Variants in RAPGEF6 observed in about 807,000 individuals in gnomAD.
RAPGEF6 encodes the protein Rap guanine nucleotide exchange factor 6.
In RAPGEF6, 56 loss-of-function variants were observed where a neutral mutation model predicts 171.4. The ratio of observed to expected loss-of-function variants is 0.33; its 90% CI spans 0.26 to 0.41. RAPGEF6 has a LOEUF of 0.41. RAPGEF6 is among the 10% of genes least tolerant of loss of function. RAPGEF6 has a pLI of 1.00. For synonymous variants in RAPGEF6, 692 were observed against 650.1 expected (o/e 1.06, Z -0.98); for missense variants, 1,674 against 1,921.4 (o/e 0.87, Z 2.41).
intron 4 of RAPGEF6, among the ~76,000 whole-genome samples, chr5:131,566,481 C>T (rs1481971345): frequency 2.6e-5 from 4 of 152,084 alleles, no homozygotes; most frequent in Non-Finnish European, 4.4e-5. Context: ...ATTCTGTTTT[C>T]TGTTATTCTG....
chr5:131,470,156 G>C (rs1161340115), intron 17 of RAPGEF6, among the ~76,000 whole-genome samples: 2 of 151,750 alleles, frequency 1.3e-5, no homozygotes. Flanking sequence ...ACACATTTGG[G>C]GGTTTAAAAA....
rs753406619 is a variant in RAPGEF6, at chr5:131,428,964, T to C, written c.4718A>G (p.His1573Arg). 5.0e-6 allele frequency: 8 copies of C among 1,614,246 alleles called. No individual in the cohort carries two copies. The South Asian group carries it at 8.8e-5, about 18-fold the overall frequency. ...TTTAGGATGGAATGGCTGCAAATTA[T>C]GCCTCTGAGGCTGAGTTACAATCTT... ...PSKIVTQPQR[H>R]NLQPFHPKLG... Residue 1573 changes from histidine (H) to arginine (R), a missense_variant, in exon 27 of 28, where the codon CAT becomes CGT. Physicochemically the swap from His to Arg is conservative, Grantham distance 29. This residue lies in a region of RAPGEF6 where 552 missense variants were observed against 574.2 expected (regional missense o/e 0.96). Transcript: ENST00000509018.
chr5:131,612,357 G>C (rs1178924724), intron 1 of RAPGEF6, among the ~76,000 whole-genome samples: 1 of 151,980 alleles, frequency 6.6e-6, no homozygotes, highest in Non-Finnish European at 1.5e-5. Flanking sequence ...CTTTGCGTTA[G>C]ATGATTTTGC....
intron 24 of RAPGEF6, among the ~76,000 whole-genome samples, chr5:131,435,405 GAA>G (rs1751952471): frequency 6.6e-6 from 1 of 152,148 alleles, no homozygotes; most frequent in South Asian, 2.1e-4. Context: ...TTCTTGAAAA[GAA>G]AAAGTCATTG....
chr5:131,481,402 A>AT (rs1755470932), intron 15 of RAPGEF6, among the ~76,000 whole-genome samples: 1 of 149,356 alleles, frequency 6.7e-6, no homozygotes, highest in African/African-American at 2.5e-5. Context: ...TAATTTTTGT[A>AT]TTTTTTTGTA....
intron 21 of RAPGEF6, chr5:131,449,884 G>T: frequency 1.1e-6 from 1 of 917,904 alleles, no homozygotes; most frequent in Non-Finnish European, 1.6e-6. Context: ...CTTGTTAGCA[G>T]AAGGCATTTG....
chr5:131,543,800 G>T (rs1252998853), intron 6 of RAPGEF6, among the ~76,000 whole-genome samples: 1 of 152,070 alleles, frequency 6.6e-6, no homozygotes, highest in Non-Finnish European at 1.5e-5. Context: ...TCACCTTTCT[G>T]CTATCTAAAT....
chr5:131,438,805 G>A (rs1375592829), intron 24 of RAPGEF6, among the ~76,000 whole-genome samples: 2 of 152,246 alleles, frequency 1.3e-5, no homozygotes, highest in African/African-American at 4.8e-5. Context: ...AAATCCACAA[G>A]AGTACAGGTT....
chr5:131,625,077 C>A (rs1765825086), intron 1 of RAPGEF6, among the ~76,000 whole-genome samples: 1 of 152,074 alleles, frequency 6.6e-6, no homozygotes, highest in South Asian at 2.1e-4. Flanking sequence ...GCCTGGCCAA[C>A]ATGGTGTAAC....
chr5:131,436,429 C>T (rs1158442723), intron 24 of RAPGEF6: 3 of 1,419,668 alleles, frequency 2.1e-6, no homozygotes, highest in East Asian at 2.5e-5. Flanking sequence ...CACAATTAGC[C>T]TTGTTTACAT....
intron 14 of RAPGEF6, among the ~76,000 whole-genome samples, chr5:131,491,792 C>T (rs570147483): frequency 6.6e-6 from 1 of 152,222 alleles, no homozygotes; most frequent in East Asian, 1.9e-4. Flanking sequence ...TCTCCATCAC[C>T]CCAGCCCCAA....
Position 131,592,407 on chromosome 5 carries a change from C to A in RAPGEF6, c.257G>T (p.Gly86Val). Reference protein sequence around the residue: ...ILLSGSVLVKGSMVLPPCSFG... With the variant: ...ILLSGSVLVKVSMVLPPCSFG... ...CCTGCAAGGAGGCAAGACCATGGAG[C>A]CTTTCACAAGCACAGATCCAGAAAG... Residue 86 changes from glycine to valine, a missense_variant, in exon 4 of 28, where the codon GGC becomes GTC. Gly to Val is a moderately radical substitution (Grantham distance 109). Transcript: ENST00000509018. 1.9e-6 allele frequency: 3 copies of A among 1,613,952 alleles called. No individual in the cohort carries two copies. The highest frequency in any genetic ancestry group is 2.5e-6 in the Non-Finnish European group (3 of 1,179,878).
rs199980540 is a variant in RAPGEF6 at position 131,453,075 on chromosome 5, G to C, written c.3179C>G (p.Pro1060Arg). 78 of 1,613,892 alleles carry C rather than the reference G, an allele frequency of 4.8e-5. No individual in the cohort carries two copies. The Admixed American group carries it at 1.3e-3, about 27-fold the overall frequency. ...VVRMTSANMD[P>R]AMMFRQRSLS... Reference sequence around the variant, plus strand: ...CTACCTCTGTCGAAACATCATAGCTGGGTCCATGTTAGCAGAAGTCATTCG... The same window carrying C: ...CTACCTCTGTCGAAACATCATAGCTCGGTCCATGTTAGCAGAAGTCATTCG... The change falls in exon 21 of 28, where the codon CCA (proline) becomes CGA (arginine). Residue 1060 changes from proline (P) to arginine (R), a missense_variant. This residue lies in a region of RAPGEF6 where 1,116 missense variants were observed against 1,321.5 expected (regional missense o/e 0.84). Transcript: ENST00000509018.
intron 21 of RAPGEF6, among the ~76,000 whole-genome samples, chr5:131,452,630 A>ATT (rs374349439): frequency 0.22 from 30,318 of 140,370 alleles, 3,489 homozygotes; most frequent in East Asian, 0.49. Context: ...TTGTTTGCTG[A>ATT]TTTTTTTTTT....
intron 4 of RAPGEF6, among the ~76,000 whole-genome samples, chr5:131,583,007 G>C (rs1763055303): frequency 6.6e-6 from 1 of 152,204 alleles, no homozygotes; most frequent in Non-Finnish European, 1.5e-5. Flanking sequence ...ATTATGCAGA[G>C]AGATGAAAGT....
At chr5:131,538,605 C>T (rs571259783) in intron 6 of RAPGEF6, among the ~76,000 whole-genome samples, 3 of 152,068 alleles carry the variant, frequency 2.0e-5, no homozygotes, top group Non-Finnish European at 2.9e-5. Context: ...CGAACATCCT[C>T]GAATTTTAGT....
chr5:131,538,682 T>A (rs1401283169), intron 6 of RAPGEF6, among the ~76,000 whole-genome samples: 2 of 152,174 alleles, frequency 1.3e-5, no homozygotes, highest in African/African-American at 4.8e-5. Context: ...TAAAAAAATT[T>A]TAAGTGACAG....
Position 131,442,545 on chromosome 5 carries a change from G to A in RAPGEF6, c.3422-8C>T, listed in dbSNP as rs1752454033. On this transcript the variant is annotated splice_polypyrimidine_tract_variant and splice_region_variant and intron_variant, in intron 22 of 27. Coordinates refer to ENST00000509018, the MANE Select transcript of RAPGEF6 (RefSeq NM_016340.6). ...CACTTAAATTCTTGGTCACTAACAG[G>A]AGAGAGTAAGAAATAAGTAACTGCA... 1 of 1,613,026 alleles carries A rather than the reference G, an allele frequency of 6.2e-7. No homozygotes were observed. Among genetic ancestry groups the A allele is most frequent in the Non-Finnish European group, 8.5e-7 (1 of 1,179,524 alleles).
chr5:131,556,712 T>G (rs1761258132), intron 5 of RAPGEF6, among the ~76,000 whole-genome samples: 1 of 152,182 alleles, frequency 6.6e-6, no homozygotes, highest in East Asian at 1.9e-4. Context: ...CTTCTAGTTC[T>G]CCTTGCTTTT....
Sources: allele counts gnomAD v4.1 joint callset (sites outside exome capture counted in the v4.1 genomes callset), GRCh38; gene constraint gnomAD v4.1.1; regional missense constraint gnomAD v4.1.1; transcripts MANE v1.5; gene names NCBI Gene and HGNC (gene_info 2026-07-23, HGNC 2026-07-21).